SOX6: variants seen among roughly 807,000 people sequenced by gnomAD.
SOX6 encodes the protein SRY-box transcription factor 6, also known as transcription factor SOX-6.
In SOX6, 11 loss-of-function variants were observed where a neutral mutation model predicts 97.8. That is an observed-to-expected ratio of 0.11 (90% CI 0.07 to 0.19). SOX6 has a LOEUF of 0.19. Ranked by LOEUF, SOX6 falls within the 10% of genes least tolerant of loss-of-function variation. The pLI, the probability that SOX6 is intolerant of heterozygous loss-of-function variation, is 1.00. For synonymous variants in SOX6, 360 were observed against 371.4 expected (o/e 0.97, Z 0.35); for missense variants, 810 against 1,039.5 (o/e 0.78, Z 3.04).
At chr11:16,139,952 TA>T (rs201972297) in intron 6 of SOX6, among the ~76,000 whole-genome samples, 3,513 of 109,578 alleles carry the variant, frequency 0.032, 135 homozygotes, top group African/African-American at 0.11. Flanking sequence ...GCTCATATAT[TA>T]TATATATATA....
chr11:16,158,956 A>G (rs1188401903), intron 6 of SOX6, among the ~76,000 whole-genome samples: 1 of 151,736 alleles, frequency 6.6e-6, no homozygotes, highest in African/African-American at 2.4e-5. Flanking sequence ...TGATTCATCC[A>G]AGATCACATG....
intron 15 of SOX6, among the ~76,000 whole-genome samples, chr11:15,974,674 T>C (rs1187229928): frequency 3.3e-5 from 5 of 151,876 alleles, no homozygotes; most frequent in Admixed American, 3.3e-4. Flanking sequence ...CAGAGGAACA[T>C]AATTTTCTCA....
intron 4 of SOX6, among the ~76,000 whole-genome samples, chr11:16,571,635 TG>T (rs759000462): frequency 2.0e-5 from 3 of 151,514 alleles, no homozygotes; most frequent in South Asian, 2.1e-4. Context: ...TTTGTTTGTT[TG>T]GGGGGTTTTG....
At position 16,160,793 on chromosome 11, in the gene SOX6, T is replaced by C. The variant is rs190400070; in HGVS notation, c.777+23093A>G. Among the ~76,000 whole-genome samples the C allele has an allele frequency of 3.5e-4, 53 of 152,344 alleles. No homozygotes were observed. In the East Asian group the frequency reaches 9.3e-3, roughly 27 times the overall value. ...GTGAGCCCAGGGGGCTAATTATTTC[T>C]GACCATGAATGACTTTAAAATATTT... On this transcript the variant is annotated intron_variant, in intron 6 of 15. Coordinates refer to ENST00000683767, the MANE Select transcript of SOX6 (RefSeq NM_001367873.1).
chr11:16,218,091 A>G (rs898295504), intron 4 of SOX6, among the ~76,000 whole-genome samples: 3 of 152,168 alleles, frequency 2.0e-5, no homozygotes, highest in Non-Finnish European at 2.9e-5. Context: ...GGACCAAAAT[A>G]CATTATTTTT....
chr11:16,736,831 C>CT (rs1271063454), intron 1 of SOX6, among the ~76,000 whole-genome samples: 2 of 152,074 alleles, frequency 1.3e-5, no homozygotes, highest in East Asian at 1.9e-4. Flanking sequence ...AACAATGTTT[C>CT]TTTTTTTTCT....
At chr11:16,168,859 A>G in intron 6 of SOX6, among the ~76,000 whole-genome samples, 1 of 152,184 alleles carries the variant, frequency 6.6e-6, no homozygotes, top group Non-Finnish European at 1.5e-5. Flanking sequence ...GACCACTTTG[A>G]TAATGAGATG....
chr11:16,480,778 T>A (rs1360475970), upstream of SOX6, among the ~76,000 whole-genome samples: 1 of 152,092 alleles, frequency 6.6e-6, no homozygotes, highest in Admixed American at 6.6e-5. Flanking sequence ...CTAAAGTGCT[T>A]CCAAAACACC....
intron 12 of SOX6, among the ~76,000 whole-genome samples, chr11:16,022,578 C>G (rs1475884789): frequency 2.0e-5 from 3 of 151,822 alleles, no homozygotes; most frequent in African/African-American, 7.3e-5. Context: ...ACCCGGCTAA[C>G]TTTTTTGTAT....
intron 4 of SOX6, among the ~76,000 whole-genome samples, chr11:16,534,472 C>T (rs1359431512): frequency 6.6e-6 from 1 of 152,072 alleles, no homozygotes; most frequent in Non-Finnish European, 1.5e-5. Flanking sequence ...CAAGTTCCCT[C>T]CAATTCTAAA....
chr11:16,602,034 T>C (rs1341245495), intron 4 of SOX6, among the ~76,000 whole-genome samples: 1 of 152,218 alleles, frequency 6.6e-6, no homozygotes. Context: ...AAATCCATTA[T>C]AGAATCAGCT....
intron 4 of SOX6, among the ~76,000 whole-genome samples, chr11:16,514,631 G>T (rs1409770668): frequency 6.6e-6 from 1 of 151,238 alleles, no homozygotes; most frequent in African/African-American, 2.4e-5. Context: ...GTGCCACACT[G>T]GTGCGCTGCA....
At chr11:16,245,723 G>T (rs964493026) in intron 3 of SOX6, among the ~76,000 whole-genome samples, 1 of 151,290 alleles carries the variant, frequency 6.6e-6, no homozygotes, top group Non-Finnish European at 1.5e-5. Flanking sequence ...CCTTCTCCTG[G>T]AGTCTACTTT....
intron 4 of SOX6, among the ~76,000 whole-genome samples, chr11:16,553,274 C>A (rs953678892): frequency 2.6e-5 from 4 of 152,168 alleles, no homozygotes; most frequent in African/African-American, 7.2e-5. Flanking sequence ...CAGGCTAACT[C>A]ATAGGCTGTG....
intron 1 of SOX6, among the ~76,000 whole-genome samples, chr11:16,362,203 A>T (rs138630575): frequency 6.6e-6 from 1 of 152,328 alleles, no homozygotes; most frequent in East Asian, 1.9e-4. Flanking sequence ...AGTAACAGTG[A>T]CTGCAAAATG....
At chr11:16,701,823 G>A (rs1407911622) in intron 3 of SOX6, among the ~76,000 whole-genome samples, 3 of 151,624 alleles carry the variant, frequency 2.0e-5, no homozygotes, top group Admixed American at 2.0e-4. Context: ...GAACCCAGGA[G>A]GCGGAGCTTG....
At chr11:16,441,855 T>A (rs1859509023) in intron 1 of SOX6, among the ~76,000 whole-genome samples, 1 of 152,178 alleles carries the variant, frequency 6.6e-6, no homozygotes, top group African/African-American at 2.4e-5. Context: ...TATTTTATCA[T>A]CCTTAATAAC....
At chr11:16,052,968 C>T (rs1032358836) in intron 10 of SOX6, among the ~76,000 whole-genome samples, 30 of 152,146 alleles carry the variant, frequency 2.0e-4, no homozygotes, top group African/African-American at 7.0e-4. Flanking sequence ...GGTTGTTTCT[C>T]ACATGCATGT....
chr11:16,294,185 T>G (rs1213348459), intron 3 of SOX6, among the ~76,000 whole-genome samples: 2 of 152,066 alleles, frequency 1.3e-5, no homozygotes, highest in African/African-American at 2.4e-5. Context: ...CCAGGTAAGA[T>G]ACTCAATGGA....
Sources: gnomAD v4.1 joint callset for allele counts (sites outside exome capture counted in the v4.1 genomes callset) on GRCh38, gnomAD v4.1.1 for gene constraint, MANE v1.5 for transcripts, NCBI Gene and HGNC (gene_info 2026-07-23, HGNC 2026-07-21) for gene names.